Variants in EPX observed in about 807,000 individuals in gnomAD.
The protein encoded by EPX is eosinophil peroxidase.
A neutral mutation model predicts 73.0 loss-of-function variants in EPX; 60 were observed. The ratio of observed to expected loss-of-function variants is 0.82; its 90% CI spans 0.67 to 1.02. The LOEUF is 1.02. Among genes scored for constraint, EPX ranks in the 50% least tolerant of loss-of-function variants. The pLI, the probability that EPX is intolerant of heterozygous loss-of-function variation, is 0.00. For missense variants in EPX, 950 were observed against 973.9 expected, an observed-to-expected ratio of 0.98 and a Z score of 0.33; for synonymous variants, 347 against 389.2, an observed-to-expected ratio of 0.89 and a Z score of 1.28.
At chr17:58,203,655 G>A (rs1194872351) in intron 11 of EPX, among the ~76,000 whole-genome samples, 4 of 152,192 alleles carry the variant, frequency 2.6e-5, no homozygotes, top group East Asian at 3.9e-4. Flanking sequence ...CCTGACGGCC[G>A]GGCGCGGTGG....
intron 6 of EPX, among the ~76,000 whole-genome samples, chr17:58,195,421 C>T (rs965115619): frequency 2.0e-5 from 3 of 152,188 alleles, no homozygotes; most frequent in African/African-American, 7.2e-5. Flanking sequence ...TTGACACATG[C>T]CTTGACCCAT....
At chr17:58,203,756 C>A (rs577598112) in intron 11 of EPX, among the ~76,000 whole-genome samples, 1 of 151,296 alleles carries the variant, frequency 6.6e-6, no homozygotes, top group Admixed American at 6.6e-5. Context: ...AACGGTGAAA[C>A]CCCGTCTCTA....
chr17:58,203,409 T>C (rs1005569918), intron 11 of EPX, 91 bp downstream of exon 11: 86 of 891,144 alleles, frequency 9.7e-5, no homozygotes, highest in Non-Finnish European at 1.5e-4. Context: ...AACACTGCTC[T>C]TTTTAGTATC....
chr17:58,197,918 C>T (rs973732999), intron 7 of EPX, among the ~76,000 whole-genome samples: 4 of 152,182 alleles, frequency 2.6e-5, no homozygotes, highest in African/African-American at 9.7e-5. Flanking sequence ...TCACTGCCAC[C>T]TCTGCCTCCT....
chr17:58,198,181 C>A (rs768406249), intron 7 of EPX, among the ~76,000 whole-genome samples: 1 of 152,126 alleles, frequency 6.6e-6, no homozygotes. Flanking sequence ...TGCAACAGCC[C>A]TGAAAGGAGG....
At chr17:58,201,963 A>G (rs900912419) in intron 10 of EPX, among the ~76,000 whole-genome samples, 6 of 152,296 alleles carry the variant, frequency 3.9e-5, no homozygotes, top group African/African-American at 4.8e-5. Context: ...AGCTCTTGCA[A>G]TCTCCTCTAA....
rs1485287450 is a variant in EPX, at chr17:58,197,172, C to T, written c.1035C>T (p.Gly345=). The T allele has an allele frequency of 1.2e-6, 2 of 1,613,954 alleles. No homozygotes were observed. The highest frequency in any genetic ancestry group is 1.7e-6 in the Non-Finnish European group (2 of 1,180,034). Residue 345 remains glycine (G), a synonymous_variant, in exon 7 of 13, where the codon GGC becomes GGT. Coordinates refer to ENST00000225371, the MANE Select transcript of EPX (RefSeq NM_000502.6). ...LAINQRFQDN[G]RALLPFDNLH... ...TCAACCAGCGCTTTCAAGACAACGG[C>T]CGGGCCCTGCTGCCCTTCGACAACC...
chr17:58,203,373 T>C, intron 11 of EPX, 55 bp downstream of exon 11: 2 of 1,154,196 alleles, frequency 1.7e-6, no homozygotes, highest in Non-Finnish European at 2.6e-6. Context: ...AGAAAAACAC[T>C]AGCATTTCAA....
chr17:58,194,753 G>A (rs1391286072), intron 5 of EPX, among the ~76,000 whole-genome samples: 2 of 152,166 alleles, frequency 1.3e-5, no homozygotes, highest in African/African-American at 2.4e-5. Context: ...CTTTACCACC[G>A]GAATCCTCAG....
Position 58,198,955 on chromosome 17 carries a change from T to G in EPX, c.1121-85T>G. On this transcript the variant is annotated intron_variant, in intron 7 of 12. Coordinates refer to ENST00000225371, the MANE Select transcript of EPX (RefSeq NM_000502.6). ...CCAGGAGTTTGGCCCACCCCGTCTC[T>G]CCCATCCCCAGCCCTGGGTCTACCC... 3.4e-6 allele frequency: 5 copies of G among 1,466,826 alleles called. No homozygotes were observed. In the Middle Eastern group the frequency reaches 5.6e-4, roughly 164 times the overall value. The allele number at this position is 1,466,826 out of a possible 1,614,324, so 90.9% of individuals were successfully genotyped here. A position where few individuals can be genotyped will look rare whatever the true frequency, so the allele number is the denominator to read the frequency against.
Position 58,199,744 on chromosome 17 carries a change from A to T in EPX, c.1487A>T (p.His496Leu), listed in dbSNP as rs1968313931. Residue 496 changes from histidine (H) to leucine (L), a missense_variant, in exon 9 of 13, where the codon CAT becomes CTT. His to Leu is a moderately conservative substitution (Grantham distance 99, BLOSUM62 -3). Coordinates refer to ENST00000225371, the MANE Select transcript of EPX (RefSeq NM_000502.6). ...TACCGGGCCTCCGCACCCAACTCGCATGTCCCACTTAGCTCTGCCTTCTTT... is the reference window on the plus strand; with the variant it reads ...TACCGGGCCTCCGCACCCAACTCGCTTGTCCCACTTAGCTCTGCCTTCTTT... ...SQYRASAPNS[H>L]VPLSSAFFAS... 6.2e-7 allele frequency: 1 copy of T among 1,613,606 alleles called. No homozygotes were observed. Among genetic ancestry groups the T allele is most frequent in the Admixed American group, 1.7e-5 (1 of 59,980 alleles).
intron 7 of EPX, among the ~76,000 whole-genome samples, chr17:58,198,207 T>C (rs1968288496): frequency 6.6e-6 from 1 of 152,198 alleles, no homozygotes; most frequent in African/African-American, 2.4e-5. Flanking sequence ...ATTATTGTTC[T>C]CATTTTACGA....
intron 5 of EPX, among the ~76,000 whole-genome samples, chr17:58,194,731 C>A (rs760189935): frequency 6.6e-6 from 1 of 152,164 alleles, no homozygotes; most frequent in Non-Finnish European, 1.5e-5. Context: ...TCAACCTAGC[C>A]CCTCTCCTTC....
chr17:58,193,480 C>T lies in EPX; in HGVS notation c.280C>T (p.His94Tyr), dbSNP rs1190915849. Residue 94 changes from histidine to tyrosine, a missense_variant, in exon 3 of 13, where the codon CAT (histidine) becomes TAT (tyrosine). Physicochemically the swap from His to Tyr is moderately conservative, Grantham distance 83. Transcript: ENST00000225371. The part of the protein sequence containing the change: ...RTVVRAADYM[H>Y]VALGLLEEKL... ...AGTTGTTCGGGCCGCAGATTATATG[C>T]ATGTGGCTTTGGGGCTGCTTGAAGA... The T allele has an allele frequency of 1.2e-6, 2 of 1,614,202 alleles. No homozygotes were observed. Among genetic ancestry groups the T allele is most frequent in the South Asian group, 1.1e-5 (1 of 91,086 alleles).
intron 12 of EPX, 95 bp downstream of exon 12, chr17:58,204,529 G>C (rs1479721461): frequency 1.3e-6 from 1 of 757,644 alleles, no homozygotes; most frequent in Non-Finnish European, 2.3e-6. Flanking sequence ...TCTAAGCAGA[G>C]AAAACAGAAC....
Position 58,193,314 on chromosome 17 carries a change from C to A in EPX, c.171-57C>A. The A allele has an allele frequency of 1.9e-6, 3 of 1,570,644 alleles. No individual in the cohort carries two copies. In the East Asian group the frequency reaches 6.7e-5, roughly 35 times the overall value. ...TCCTGACTGTGCCCCAGGACTGGGT[C>A]TCTGCTGGGTGGGTCTGCACCCTCT... On this transcript the variant is annotated intron_variant, in intron 2 of 12. Coordinates refer to ENST00000225371, the MANE Select transcript of EPX (RefSeq NM_000502.6).
intron 7 of EPX, among the ~76,000 whole-genome samples, chr17:58,197,728 G>A (rs193114358): frequency 1.3e-5 from 2 of 152,166 alleles, no homozygotes; most frequent in African/African-American, 4.8e-5. Context: ...TTGCTAGACA[G>A]TTAATACCCT....
Position 58,203,283 on chromosome 17 carries a change from C to T in EPX, c.1911C>T (p.Phe637=), listed in dbSNP as rs745457223. Residue 637 remains phenylalanine (F), a synonymous_variant, in exon 11 of 13, where the codon TTC becomes TTT. Transcript: ENST00000225371. ...TGGGGCCTCTTCTGGCTTGTCTGTT[C>T]GAGAACCAGTTCAGAAGAGCCCGAG... ...ARVGPLLACL[F]ENQFRRARDG... The T allele has an allele frequency of 1.1e-5, 18 of 1,613,878 alleles. No individual in the cohort carries two copies. Among genetic ancestry groups the T allele is most frequent in the Middle Eastern group, 1.6e-4 (1 of 6,084 alleles).
rs1968410351 is a variant in EPX at position 58,204,874 on chromosome 17, G to A, written c.*150G>A. 1 of 197,898 alleles carries A rather than the reference G, an allele frequency of 5.1e-6. No individual in the cohort carries two copies. Among genetic ancestry groups the A allele is most frequent in the Admixed American group, 5.3e-5 (1 of 18,910 alleles). 12.3% of individuals were successfully genotyped at this position (197,898 alleles called of 1,614,324 possible). A position where few individuals can be genotyped will look rare whatever the true frequency, so the allele number is the denominator to read the frequency against. ...AGAGCTGGGTTCCCCAGCCAGGAGT[G>A]AAGGCTGGGGGCTCCTATCAGCAAT... On this transcript the variant is annotated 3_prime_UTR_variant, in exon 13 of 13. Coordinates refer to ENST00000225371, the MANE Select transcript of EPX (RefSeq NM_000502.6).
Sources: allele counts gnomAD v4.1 joint callset (sites outside exome capture counted in the v4.1 genomes callset), GRCh38; gene constraint gnomAD v4.1.1; transcripts MANE v1.5; gene names NCBI Gene and HGNC (gene_info 2026-07-23, HGNC 2026-07-21).